PRORP: variants seen among roughly 807,000 people sequenced by gnomAD.
The protein encoded by PRORP is mitochondrial ribonuclease P catalytic subunit.
PRORP carries 51 observed loss-of-function variants against 59.4 expected under a neutral mutation model. The observed-to-expected ratio is 0.86, with a 90% CI of 0.69 to 1.08. The LOEUF (loss-of-function observed/expected upper bound fraction) is 1.08, where lower values mean the gene tolerates loss of function less well. Among genes scored for constraint, PRORP ranks in the 50% least tolerant of loss-of-function variants. PRORP has a pLI of 0.00. For synonymous variants in PRORP, 231 were observed against 245.6 expected, an observed-to-expected ratio of 0.94 and a Z score of 0.55; for missense variants, 646 against 690.3, an observed-to-expected ratio of 0.94 and a Z score of 0.72.
intron 4 of PRORP, among the ~76,000 whole-genome samples, chr14:35,160,182 G>T (rs986816552): frequency 1.3e-5 from 2 of 152,176 alleles, no homozygotes; most frequent in African/African-American, 2.4e-5. Flanking sequence ...TACAAGACAC[G>T]TCATTTGAGC....
intron 5 of PRORP, among the ~76,000 whole-genome samples, chr14:35,209,006 G>A (rs1047606708): frequency 6.6e-6 from 1 of 151,650 alleles, no homozygotes; most frequent in Non-Finnish European, 1.5e-5. Flanking sequence ...ACTCTAGCCT[G>A]GGTGACAGAG....
At chr14:35,219,468 A>T (rs1173838793) in intron 5 of PRORP, among the ~76,000 whole-genome samples, 1 of 152,228 alleles carries the variant, frequency 6.6e-6, no homozygotes, top group South Asian at 2.1e-4. Context: ...TGCAGCATTT[A>T]TGAAAACTGT....
intron 4 of PRORP, among the ~76,000 whole-genome samples, chr14:35,176,920 A>G (rs1349622003): frequency 2.0e-5 from 3 of 152,332 alleles, no homozygotes; most frequent in South Asian, 4.1e-4. Flanking sequence ...CGTCCCATCA[A>G]TACCTAATTT....
At chr14:35,251,514 A>G (rs73239030) in intron 5 of PRORP, among the ~76,000 whole-genome samples, 41,099 of 152,036 alleles carry the variant, frequency 0.27, 7,444 homozygotes, top group African/African-American at 0.51. Flanking sequence ...TCATCTTTCC[A>G]TACAAAAAAT....
intron 5 of PRORP, among the ~76,000 whole-genome samples, chr14:35,191,590 C>T (rs949494906): frequency 4.6e-5 from 7 of 152,120 alleles, no homozygotes; most frequent in African/African-American, 1.2e-4. Context: ...GTGGTTCCAG[C>T]TTCTCAGAAG....
At chr14:35,259,281 A>G (rs566270589) in intron 5 of PRORP, among the ~76,000 whole-genome samples, 1 of 151,820 alleles carries the variant, frequency 6.6e-6, no homozygotes, top group East Asian at 1.9e-4. Context: ...CTTTCCTTTC[A>G]TTGTTTGCAT....
At chr14:35,245,519 C>G (rs759674122) in intron 5 of PRORP, among the ~76,000 whole-genome samples, 3 of 152,146 alleles carry the variant, frequency 2.0e-5, no homozygotes, top group Non-Finnish European at 4.4e-5. Flanking sequence ...GTGGTGCATA[C>G]CTGTAATCCC....
chr14:35,276,101 A>T lies in PRORP; in HGVS notation c.*2535A>T, dbSNP rs2051290957. The T allele has an allele frequency of 6.6e-6, 1 of 152,442 alleles. No homozygotes were observed. Among genetic ancestry groups the T allele is most frequent in the South Asian group, 2.1e-4 (1 of 4,836 alleles). The allele number at this position is 152,442 out of a possible 1,614,324, so 9.4% of individuals were successfully genotyped here. On this transcript the variant is annotated 3_prime_UTR_variant, in exon 8 of 8. Transcript: ENST00000534898. ...AATGGGAGAATTGCTTGAAGCCAGG[A>T]GTTGGAGACCAGCCTAGGCAACACA... is the stretch of plus-strand genomic sequence containing the variant.
rs74043859 is a variant in PRORP, at chr14:35,236,267, A to G, written c.1276-30460A>G. Among the ~76,000 whole-genome samples, 693 of 152,136 alleles carry G rather than the reference A, an allele frequency of 4.6e-3. 6 individuals are homozygous for G. The highest frequency in any genetic ancestry group is 0.016 in the African/African-American group (658 of 41,516). Reference sequence around the variant, plus strand: ...TCTTTATATTTTAACCTACTGATCTATTTATCTGTTTTCTTGAAATACCAT... The same window carrying G: ...TCTTTATATTTTAACCTACTGATCTGTTTATCTGTTTTCTTGAAATACCAT... On this transcript the variant is annotated intron_variant, in intron 5 of 7. Coordinates refer to ENST00000534898, the MANE Select transcript of PRORP (RefSeq NM_014672.4).
intron 5 of PRORP, among the ~76,000 whole-genome samples, chr14:35,253,386 GAAA>G (rs201621291): frequency 7.2e-6 from 1 of 139,172 alleles, no homozygotes; most frequent in Non-Finnish European, 1.5e-5. Context: ...AAGAAAGAAA[GAAA>G]AAGAAAGAAA....
intron 5 of PRORP, among the ~76,000 whole-genome samples, chr14:35,205,829 T>C (rs2049279034): frequency 6.6e-6 from 1 of 152,282 alleles, no homozygotes; most frequent in Non-Finnish European, 1.5e-5. Flanking sequence ...CTTCTCACCC[T>C]TCAGGTCTCA....
At chr14:35,234,059 A>G (rs1193336174) in intron 5 of PRORP, among the ~76,000 whole-genome samples, 7 of 152,222 alleles carry the variant, frequency 4.6e-5, no homozygotes, top group Admixed American at 4.6e-4. Context: ...ACTCCCTTAT[A>G]TAGAAAATAA....
In PRORP at chr14:35,248,513, A is replaced by G. The variant is rs553518069; in HGVS notation, c.1276-18214A>G. On this transcript the variant is annotated intron_variant, in intron 5 of 7. Transcript: ENST00000534898. ...GCTCTGAAGTAGTTCCAGCAAGACA[A>G]TATGATCAAGCTTCCTTTAAATAAA... Among the ~76,000 whole-genome samples, 9 of 152,358 alleles carry G rather than the reference A, an allele frequency of 5.9e-5. No individual in the cohort carries two copies. In the East Asian group the frequency reaches 1.2e-3, roughly 20 times the overall value.
At chr14:35,272,667 C>T (rs2051223298) in intron 7 of PRORP, among the ~76,000 whole-genome samples, 1 of 152,092 alleles carries the variant, frequency 6.6e-6, no homozygotes, top group South Asian at 2.1e-4. Flanking sequence ...GATGGGAGGG[C>T]AGCGTATGGA....
intron 5 of PRORP, among the ~76,000 whole-genome samples, chr14:35,215,660 C>T (rs187485353): frequency 9.2e-5 from 14 of 151,976 alleles, no homozygotes; most frequent in African/African-American, 3.4e-4. Flanking sequence ...GGCTTGGAGG[C>T]GGAAGGATTG....
rs192882014 is a variant in PRORP, at chr14:35,131,364, A to T, written c.1167+3753A>T. 5.2e-3 allele frequency among the ~76,000 whole-genome samples: 791 copies of T among 152,262 alleles called. 7 individuals are homozygous for T. Among genetic ancestry groups the T allele is most frequent in the African/African-American group, 0.018 (761 of 41,546 alleles). On this transcript the variant is annotated intron_variant, in intron 4 of 7. Coordinates refer to ENST00000534898, the MANE Select transcript of PRORP (RefSeq NM_014672.4). ...TTTATTTCTCCTTCATGTCTGAAGG[A>T]TATTTTCACTGCATATACTATTCTG... is the stretch of plus-strand genomic sequence containing the variant.
At chr14:35,195,331 G>A (rs2048981672) in intron 5 of PRORP, among the ~76,000 whole-genome samples, 1 of 151,956 alleles carries the variant, frequency 6.6e-6, no homozygotes, top group Non-Finnish European at 1.5e-5. Context: ...TTATACAGAA[G>A]CCAACTGAGT....
At chr14:35,125,846 CT>C (rs2047083861) in intron 2 of PRORP, among the ~76,000 whole-genome samples, 1 of 152,118 alleles carries the variant, frequency 6.6e-6, no homozygotes, top group African/African-American at 2.4e-5. Flanking sequence ...TGGTGAAACC[CT>C]GTCTCTACAA....
chr14:35,270,810 G>A (rs758129228), intron 7 of PRORP, among the ~76,000 whole-genome samples: 3 of 152,166 alleles, frequency 2.0e-5, no homozygotes, highest in Middle Eastern at 3.4e-3. Context: ...GGGGCCAGGC[G>A]CAGTGGCTCA....
Sources: gnomAD v4.1 joint callset for allele counts (sites outside exome capture counted in the v4.1 genomes callset) on GRCh38, gnomAD v4.1.1 for gene constraint, MANE v1.5 for transcripts, NCBI Gene and HGNC (gene_info 2026-07-23, HGNC 2026-07-21) for gene names.